PCDHA1: variants seen among roughly 807,000 people sequenced by gnomAD.
The protein encoded by PCDHA1 is protocadherin alpha-1.
In PCDHA1, 42 loss-of-function variants were observed where a neutral mutation model predicts 61.3. That is an observed-to-expected ratio of 0.69 (90% CI 0.54 to 0.89). The LOEUF is 0.89. Among genes scored for constraint, PCDHA1 ranks in the 40% least tolerant of loss-of-function variants. PCDHA1 has a pLI of 0.00. For missense variants in PCDHA1, 1,256 were observed against 1,235.3 expected (o/e 1.02, Z -0.25); for synonymous variants, 610 against 553.8 (o/e 1.10, Z -1.43).
intron 1 of PCDHA1, chr5:140,807,311 G>T (rs781800843): frequency 1.9e-6 from 3 of 1,614,084 alleles, no homozygotes; most frequent in Middle Eastern, 1.7e-4. Context: ...GGCCAAACAC[G>T]GCACCTTCGT....
intron 3 of PCDHA1, among the ~76,000 whole-genome samples, chr5:141,000,501 C>G (rs1252221313): frequency 2.1e-5 from 3 of 139,584 alleles, no homozygotes; most frequent in Admixed American, 7.5e-5. Flanking sequence ...GATCTCGGCT[C>G]ACTGCAACCT....
intron 1 of PCDHA1, among the ~76,000 whole-genome samples, chr5:140,948,862 C>T (rs1419321480): frequency 6.6e-6 from 1 of 151,398 alleles, no homozygotes; most frequent in Admixed American, 6.6e-5. Context: ...TCTTATATTA[C>T]TTCGGGTTTA....
At chr5:140,927,295 G>T (rs1343982131) in intron 1 of PCDHA1, 2 of 1,614,032 alleles carry the variant, frequency 1.2e-6, no homozygotes, top group African/African-American at 2.7e-5. Context: ...GCACATCCCC[G>T]AGTTCCTGAC....
intron 1 of PCDHA1, among the ~76,000 whole-genome samples, chr5:140,844,781 G>A (rs1779544851): frequency 6.7e-6 from 1 of 149,070 alleles, no homozygotes; most frequent in African/African-American, 2.5e-5. Context: ...CTTTATTTTG[G>A]TATCTTTCAA....
chr5:141,000,112 C>T (rs1404445521), intron 3 of PCDHA1, among the ~76,000 whole-genome samples: 1 of 152,128 alleles, frequency 6.6e-6, no homozygotes. Flanking sequence ...CGTCTCTTCC[C>T]TCATCCCCAA....
intron 2 of PCDHA1, among the ~76,000 whole-genome samples, chr5:140,980,790 T>G (rs557225636): frequency 5.3e-4 from 80 of 152,312 alleles, no homozygotes; most frequent in African/African-American, 1.9e-3. Flanking sequence ...TGCCATTTCT[T>G]TTTTGCATTG....
intron 1 of PCDHA1, chr5:140,809,172 C>T: frequency 2.5e-6 from 4 of 1,613,996 alleles, no homozygotes; most frequent in Non-Finnish European, 3.4e-6. Flanking sequence ...CTGACGGCCA[C>T]GGCCACTGTG....
chr5:140,954,737 T>C (rs1208625491), intron 1 of PCDHA1, among the ~76,000 whole-genome samples: 38 of 152,210 alleles, frequency 2.5e-4, no homozygotes, highest in Non-Finnish European at 1.5e-5. Flanking sequence ...TTCACTCTGA[T>C]GATAGTTTCT....
intron 1 of PCDHA1, chr5:140,884,367 T>G (rs2060126363): frequency 1.2e-6 from 2 of 1,613,928 alleles, no homozygotes; most frequent in Middle Eastern, 3.3e-4. Context: ...AATGTTTACT[T>G]GATCATTGCC....
At chr5:140,965,371 T>C (rs1195667342) in intron 1 of PCDHA1, among the ~76,000 whole-genome samples, 9 of 152,124 alleles carry the variant, frequency 5.9e-5, no homozygotes, top group African/African-American at 1.2e-4. Flanking sequence ...AAGAGGAAAC[T>C]TGGGGACACA....
intron 1 of PCDHA1, chr5:140,876,762 G>A (rs1554168889): frequency 3.7e-6 from 6 of 1,614,252 alleles, no homozygotes; most frequent in Non-Finnish European, 5.1e-6. Flanking sequence ...CGCGGGATGG[G>A]GGCTCGCCTT....
In PCDHA1 at chr5:140,801,811, C is replaced by T. The variant is rs927009690; in HGVS notation, c.2394+13127C>T. On this transcript the variant is annotated intron_variant, in intron 1 of 3. Transcript: ENST00000504120. ...AAAAAAAATTTAAATCGAGAGGACACTCCTAAGCATTATTTACTAATAACA... is the reference window on the plus strand; with the variant it reads ...AAAAAAAATTTAAATCGAGAGGACATTCCTAAGCATTATTTACTAATAACA... 2.9e-5 allele frequency: 47 copies of T among 1,614,004 alleles called. No individual in the cohort carries two copies. The highest frequency in any genetic ancestry group is 3.7e-5 in the Non-Finnish European group (44 of 1,180,048).
chr5:140,903,753 A>T (rs1554191101), intron 1 of PCDHA1, among the ~76,000 whole-genome samples: 2 of 152,186 alleles, frequency 1.3e-5, no homozygotes, highest in African/African-American at 4.8e-5. Context: ...GTTTCCCTTG[A>T]TTTTTGCTGA....
intron 1 of PCDHA1, among the ~76,000 whole-genome samples, chr5:140,959,117 G>A (rs2095468242): frequency 6.6e-6 from 1 of 152,174 alleles, no homozygotes; most frequent in South Asian, 2.1e-4. Flanking sequence ...CCGAAGGTGG[G>A]CGAGGTGAGC....
chr5:140,908,399 C>T (rs180728730), intron 1 of PCDHA1, among the ~76,000 whole-genome samples: 51 of 152,258 alleles, frequency 3.3e-4, no homozygotes, highest in African/African-American at 9.9e-4. Flanking sequence ...ACATATATAC[C>T]ACTTCCATTT....
rs1205531440 is a variant in PCDHA1, at chr5:140,868,945, T to C, written c.2394+80261T>C. On this transcript the variant is annotated intron_variant, in intron 1 of 3. Transcript: ENST00000504120. ...TTCATTTAAAGGTTGGTCTGAACAG[T>C]GAGGCACTCCCATACAAAGGAACTC... 5 of 1,284,792 alleles carry C rather than the reference T, an allele frequency of 3.9e-6. No individual in the cohort carries two copies. The Admixed American group carries it at 1.1e-4, about 28-fold the overall frequency. The allele number at this position is 1,284,792 out of a possible 1,614,324, so 79.6% of individuals were successfully genotyped here. A position where few individuals can be genotyped will look rare whatever the true frequency, so the allele number is the denominator to read the frequency against.
At chr5:140,858,296 C>A in intron 1 of PCDHA1, 2 of 1,597,508 alleles carry the variant, frequency 1.3e-6, no homozygotes, top group Non-Finnish European at 1.7e-6. Flanking sequence ...GTCTTACTCG[C>A]AGCAGAGGCG....
chr5:140,801,890 T>C (rs1762806602), intron 1 of PCDHA1: 1 of 1,614,178 alleles, frequency 6.2e-7, no homozygotes, highest in African/African-American at 1.3e-5. Flanking sequence ...TAAAGATCAC[T>C]GTTTTAGATG....
rs2150168616 is a variant in PCDHA1, at chr5:140,829,481, G to A, written c.2394+40797G>A. On this transcript the variant is annotated intron_variant, in intron 1 of 3. Coordinates refer to ENST00000504120, the MANE Select transcript of PCDHA1 (RefSeq NM_018900.4). ...CGCGCAGCCCGAGTACACAGTGTTC[G>A]TGAAGGAGAACAACCCGCCGGGCTG... 4.6e-5 allele frequency: 75 copies of A among 1,613,668 alleles called. No homozygotes were observed. The highest frequency in any genetic ancestry group is 1.7e-4 in the Middle Eastern group (1 of 5,788).
Sources: allele counts gnomAD v4.1 joint callset (sites outside exome capture counted in the v4.1 genomes callset), GRCh38; gene constraint gnomAD v4.1.1; transcripts MANE v1.5; gene names NCBI Gene and HGNC (gene_info 2026-07-23, HGNC 2026-07-21).